NBR1: variants seen among roughly 807,000 people sequenced by gnomAD.
NBR1 encodes next to BRCA1 gene 1 protein.
Under a neutral mutation model 115.5 loss-of-function variants are expected in NBR1, and 59 were observed. The ratio of observed to expected loss-of-function variants is 0.51; its 90% CI spans 0.41 to 0.63. The LOEUF (loss-of-function observed/expected upper bound fraction) is 0.63. Among genes scored for constraint, NBR1 ranks in the 30% least tolerant of loss-of-function variants. The pLI, the probability that NBR1 is intolerant of heterozygous loss-of-function variation, is 0.00. For missense variants in NBR1, 1,043 were observed against 1,150.5 expected (o/e 0.91, Z 1.35); for synonymous variants, 373 against 414.7 (o/e 0.90, Z 1.22).
chr17:43,191,458 A>G lies in NBR1; in HGVS notation c.950A>G (p.Lys317Arg), dbSNP rs964569208. Residue 317 changes from lysine to arginine, a missense_variant, in exon 10 of 21, where the codon AAG becomes AGG. Physicochemically the swap from Lys to Arg is conservative, Grantham distance 26. Transcript: ENST00000590996. ...AAGAAACAACGTAAAGCAGAGGTCA[A>G]GGAACTTAAAAAGCAGCTTAAACTC... Reference protein sequence around the residue: ...AEKKQRKAEVKELKKQLKLHR... With the variant: ...AEKKQRKAEVRELKKQLKLHR... 1.2e-6 allele frequency: 2 copies of G among 1,613,270 alleles called. No homozygotes were observed. The highest frequency in any genetic ancestry group is 1.1e-5 in the South Asian group (1 of 90,924).
intron 12 of NBR1, among the ~76,000 whole-genome samples, chr17:43,194,029 G>A (rs960605099): frequency 6.6e-6 from 1 of 152,116 alleles, no homozygotes; most frequent in African/African-American, 2.4e-5. Flanking sequence ...TCTTGCCCTG[G>A]TTGCTACTTA....
intron 4 of NBR1, among the ~76,000 whole-genome samples, chr17:43,180,361 C>G (rs560496395): frequency 6.6e-6 from 1 of 152,284 alleles, no homozygotes; most frequent in African/African-American, 2.4e-5. Context: ...ATACTATAGA[C>G]AGTTGAAACA....
Position 43,177,572 on chromosome 17 carries a change from A to AACACACACACAC in NBR1, c.103-326_103-315dup, listed in dbSNP as rs60320098. 6.3e-3 allele frequency among the ~76,000 whole-genome samples: 827 copies of AACACACACACAC among 131,306 alleles called. 7 individuals carry two copies. Among genetic ancestry groups the AACACACACACAC allele is most frequent in the African/African-American group, 0.015 (480 of 32,610 alleles). The allele number at this position is 131,306 out of a possible 152,430, so 86.1% of individuals were successfully genotyped here. On this transcript the variant is annotated intron_variant, in intron 2 of 20. Transcript: ENST00000590996. ...GTTCCCTACCCCACACCCCACCCAA[A>AACACACACACAC]ACACACACACACACACACACACACA...
chr17:43,191,941 C>T (rs187483287), intron 10 of NBR1, among the ~76,000 whole-genome samples: 6 of 150,944 alleles, frequency 4.0e-5, no homozygotes, highest in African/African-American at 1.2e-4. Flanking sequence ...AGGATGGTCT[C>T]GATCTCTTGA....
At chr17:43,209,637 G>C in intron 20 of NBR1, 1 of 1,535,428 alleles carries the variant, frequency 6.5e-7, no homozygotes, top group Non-Finnish European at 8.7e-7. Flanking sequence ...CATTCTCCTG[G>C]TTCTAAGTAC....
chr17:43,200,279 G>A lies in NBR1; in HGVS notation c.2139G>A (p.Glu713=). The stretch of plus-strand genomic sequence containing the variant: ...AGGAGGATGAGGAGGATGAGGAGGA[G>A]GAGGATGAGCTCAAAGATGAAGTTC... ...EEEEDEEDEE[E]EDELKDEVQS... is the part of the protein sequence containing the mutation. The change falls in exon 17 of 21, where the codon GAG becomes GAA. Residue 713 remains glutamate (E), a synonymous_variant. Coordinates refer to ENST00000590996, the MANE Select transcript of NBR1 (RefSeq NM_005899.5). The A allele has an allele frequency of 6.4e-7, 1 of 1,551,978 alleles. No homozygotes were observed. The highest frequency in any genetic ancestry group is 8.7e-7 in the Non-Finnish European group (1 of 1,147,008).
intron 19 of NBR1, 54 bp downstream of exon 19, chr17:43,202,766 C>A: frequency 7.1e-7 from 1 of 1,412,732 alleles, no homozygotes; most frequent in Non-Finnish European, 9.8e-7. Context: ...TTCTTGTATT[C>A]CTTCTGCTTA....
intron 5 of NBR1, among the ~76,000 whole-genome samples, chr17:43,182,211 CTTTTTTTTTT>C (rs752789312): frequency 1.4e-5 from 1 of 71,570 alleles, no homozygotes; most frequent in African/African-American, 5.2e-5. Context: ...CTGTTCTCTC[CTTTTTTTTTT>C]TTTTTTTTTT....
chr17:43,190,077 C>T (rs1215076012), intron 8 of NBR1: 5 of 372,354 alleles, frequency 1.3e-5, no homozygotes, highest in African/African-American at 8.5e-5. Flanking sequence ...GGTAGTTCCT[C>T]GGTTGTTCCA....
intron 20 of NBR1, 143 bp downstream of exon 20, chr17:43,203,929 A>C: frequency 4.6e-6 from 2 of 436,468 alleles, no homozygotes; most frequent in South Asian, 6.0e-5. Flanking sequence ...ACACAACACA[A>C]CTCTGCCACT....
chr17:43,203,384 G>A (rs777373692), intron 19 of NBR1, among the ~76,000 whole-genome samples: 3 of 152,144 alleles, frequency 2.0e-5, no homozygotes, highest in Non-Finnish European at 1.5e-5. Flanking sequence ...ACAAACTGTT[G>A]ATATCCTTGT....
chr17:43,180,664 C>G (rs376640389), intron 4 of NBR1, 131 bp from the exon 5 acceptor site: 17 of 1,065,258 alleles, frequency 1.6e-5, no homozygotes, highest in Admixed American at 9.3e-5. Context: ...GATTGGCTAT[C>G]CTTAATCTTA....
At position 43,200,362 on chromosome 17, in the gene NBR1, A is replaced by C. The variant is rs1487759179; in HGVS notation, c.2222A>C (p.Asp741Ala). ...ATCATCATCCTGCCTGAGTGCTTTG[A>C]TACCAGCCGCCCCCTGGGGGATTCT... ...DYIIILPECFDTSRPLGDSMY... is the reference protein window; with the variant it reads ...DYIIILPECFATSRPLGDSMY... The change falls in exon 17 of 21, where the codon GAT becomes GCT. Residue 741 changes from aspartate to alanine, a missense_variant. By Grantham distance (126) the Asp-to-Ala change is moderately radical. Coordinates refer to ENST00000590996, the MANE Select transcript of NBR1 (RefSeq NM_005899.5). The C allele has an allele frequency of 3.2e-6, 5 of 1,561,406 alleles. No individual in the cohort carries two copies. The highest frequency in any genetic ancestry group is 2.6e-6 in the Non-Finnish European group (3 of 1,152,730).
At chr17:43,201,225 T>A (rs915886747) in intron 17 of NBR1, among the ~76,000 whole-genome samples, 1 of 152,184 alleles carries the variant, frequency 6.6e-6, no homozygotes, top group Non-Finnish European at 1.5e-5. Flanking sequence ...TTTTATTGAC[T>A]CTTCAGTAAA....
chr17:43,200,956 C>T (rs879428633), intron 17 of NBR1, among the ~76,000 whole-genome samples: 4 of 150,286 alleles, frequency 2.7e-5, no homozygotes, highest in Admixed American at 2.7e-4. Context: ...GCCACCTCTG[C>T]CTCTGAGGCT....
At chr17:43,195,536 A>C (rs1220024052) in intron 14 of NBR1, 2 of 170,416 alleles carry the variant, frequency 1.2e-5, no homozygotes, top group East Asian at 3.8e-4. Context: ...CTGTAATCCG[A>C]ACTACTCGGG....
At chr17:43,194,784 T>C (rs775691242) in intron 13 of NBR1, 180 bp from the exon 14 acceptor site, 16 of 628,648 alleles carry the variant, frequency 2.5e-5, no homozygotes, top group Non-Finnish European at 3.9e-5. Context: ...TTCTCTTTCC[T>C]GCTATTGGGT....
chr17:43,183,493 A>T (rs1443214744), intron 5 of NBR1, among the ~76,000 whole-genome samples: 1 of 152,110 alleles, frequency 6.6e-6, no homozygotes, highest in East Asian at 1.9e-4. Context: ...TGCTGGGATT[A>T]CAGGCATGAG....
At chr17:43,173,987 C>G (rs868625674) in intron 1 of NBR1, among the ~76,000 whole-genome samples, 4 of 152,072 alleles carry the variant, frequency 2.6e-5, no homozygotes, top group Admixed American at 2.6e-4. Flanking sequence ...CATCAGTAAA[C>G]AAAATCCTTA....
Sources: allele counts gnomAD v4.1 joint callset (sites outside exome capture counted in the v4.1 genomes callset), GRCh38; gene constraint gnomAD v4.1.1; transcripts MANE v1.5; gene names NCBI Gene and HGNC (gene_info 2026-07-23, HGNC 2026-07-21).